The following SDK1 variants were observed in gnomAD, a reference collection of about 807,000 sequenced individuals.
SDK1 encodes the protein sidekick cell adhesion molecule 1.
SDK1 carries 157 observed loss-of-function variants against 245.5 expected under a neutral mutation model. The ratio of observed to expected loss-of-function variants is 0.64; its 90% CI spans 0.56 to 0.73. SDK1 has a LOEUF of 0.73. Among genes scored for constraint, SDK1 ranks in the 30% least tolerant of loss-of-function variants. The pLI is 0.00. For missense variants in SDK1, 3,583 were observed against 3,002.3 expected (o/e 1.19, Z -4.52); for synonymous variants, 1,647 against 1,278.5 (o/e 1.29, Z -6.15).
At chr7:4,133,565 G>T (rs1421613980) in intron 28 of SDK1, among the ~76,000 whole-genome samples, 1 of 152,184 alleles carries the variant, frequency 6.6e-6, no homozygotes, top group Non-Finnish European at 1.5e-5. Context: ...GGAGATAGGT[G>T]GCTTCTAAAG....
chr7:4,073,325 G>A (rs28400278), intron 20 of SDK1, among the ~76,000 whole-genome samples: 9,019 of 152,206 alleles, frequency 0.059, 836 homozygotes, highest in African/African-American at 0.19. Flanking sequence ...GGCATCACAC[G>A]TCTTGGGCCT....
At chr7:4,175,924 C>A in intron 34 of SDK1, 90 bp downstream of exon 34, 1 of 1,130,952 alleles carries the variant, frequency 8.8e-7, no homozygotes, top group Non-Finnish European at 1.3e-6. Context: ...GGAAAACCAG[C>A]CTGGATTAAT....
intron 35 of SDK1, among the ~76,000 whole-genome samples, chr7:4,192,660 A>G (rs1050622729): frequency 2.0e-5 from 3 of 152,166 alleles, no homozygotes; most frequent in African/African-American, 7.2e-5. Context: ...TCGTAGAAGC[A>G]TAGCTTTTAT....
chr7:4,215,128 A>C (rs1429591297), intron 38 of SDK1, among the ~76,000 whole-genome samples: 2 of 152,184 alleles, frequency 1.3e-5, no homozygotes, highest in Non-Finnish European at 2.9e-5. Flanking sequence ...CACTAACCCC[A>C]GGCCTGTCCG....
intron 1 of SDK1, among the ~76,000 whole-genome samples, chr7:3,466,321 A>G (rs1781000548): frequency 6.6e-6 from 1 of 151,528 alleles, no homozygotes; most frequent in Admixed American, 6.6e-5. Flanking sequence ...TTCCATCCTG[A>G]AGTCCTGGAT....
Position 4,268,646 on chromosome 7 carries a change from G to C in SDK1, c.*3262G>C. 7.3e-7 allele frequency: 1 copy of C among 1,367,798 alleles called. No homozygotes were observed. The highest frequency in any genetic ancestry group is 9.8e-7 in the Non-Finnish European group (1 of 1,021,974). The allele number at this position is 1,367,798 out of a possible 1,614,324, so 84.7% of individuals were successfully genotyped here. A position where few individuals can be genotyped will look rare whatever the true frequency, so the allele number is the denominator to read the frequency against. On this transcript the variant is annotated 3_prime_UTR_variant, in exon 45 of 45. Transcript: ENST00000404826. Reference sequence around the variant, plus strand: ...TGTTTGCCTAATGGTTCGTAGCATGGTTTTTATTTCTTACGCATTCTTGGC... The same window carrying C: ...TGTTTGCCTAATGGTTCGTAGCATGCTTTTTATTTCTTACGCATTCTTGGC...
intron 9 of SDK1, among the ~76,000 whole-genome samples, chr7:3,966,384 C>G (rs1027361656): frequency 2.6e-5 from 4 of 152,204 alleles, no homozygotes; most frequent in African/African-American, 9.6e-5. Context: ...AGACACAGAT[C>G]ACTGTTGTAC....
intron 1 of SDK1, among the ~76,000 whole-genome samples, chr7:3,383,683 G>T (rs1296868689): frequency 1.3e-5 from 2 of 152,110 alleles, no homozygotes; most frequent in Non-Finnish European, 2.9e-5. Context: ...ACACGACTGA[G>T]AAAAATAATT....
chr7:3,867,534 A>G (rs570967066), intron 5 of SDK1, among the ~76,000 whole-genome samples: 1 of 152,196 alleles, frequency 6.6e-6, no homozygotes, highest in African/African-American at 2.4e-5. Context: ...CACTTCTTAC[A>G]TGGGTGGCTG....
chr7:3,941,317 C>T (rs779677195), intron 5 of SDK1, among the ~76,000 whole-genome samples: 3 of 152,078 alleles, frequency 2.0e-5, no homozygotes, highest in African/African-American at 4.8e-5. Flanking sequence ...TGCTCCCACC[C>T]GCTCTAGACA....
At chr7:3,529,649 G>C (rs1407892787) in intron 1 of SDK1, among the ~76,000 whole-genome samples, 1 of 152,146 alleles carries the variant, frequency 6.6e-6, no homozygotes, top group African/African-American at 2.4e-5. Context: ...TGTGGTGGTG[G>C]TTGGTTCAAG....
intron 1 of SDK1, among the ~76,000 whole-genome samples, chr7:3,374,759 G>C (rs968501706): frequency 6.6e-6 from 1 of 151,808 alleles, no homozygotes; most frequent in African/African-American, 2.4e-5. Flanking sequence ...TCACCTTTCA[G>C]GTCTCAGATT....
intron 4 of SDK1, among the ~76,000 whole-genome samples, chr7:3,697,303 C>A (rs539851820): frequency 2.6e-5 from 4 of 152,196 alleles, no homozygotes; most frequent in Non-Finnish European, 5.9e-5. Flanking sequence ...TCATCCCTTT[C>A]TTTCCCGCTG....
chr7:4,082,534 C>CAAA (rs1300321399), intron 22 of SDK1, among the ~76,000 whole-genome samples: 2 of 108,764 alleles, frequency 1.8e-5, no homozygotes, highest in Admixed American at 9.9e-5. Flanking sequence ...GATTCTGTCT[C>CAAA]AAAAAAAAAA....
chr7:4,267,039 G>A lies in SDK1; in HGVS notation c.*1655G>A. ...GTGCACCTCCATGGGCAGAGGGTGT[G>A]GATATTGCCTGGATTCTGTGCTGTC... On this transcript the variant is annotated 3_prime_UTR_variant, in exon 45 of 45. Coordinates refer to ENST00000404826, the MANE Select transcript of SDK1 (RefSeq NM_152744.4). The A allele has an allele frequency of 3.0e-6, 3 of 985,552 alleles. No homozygotes were observed. Among genetic ancestry groups the A allele is most frequent in the Non-Finnish European group, 3.6e-6 (3 of 830,016 alleles). 61.1% of individuals were successfully genotyped at this position (985,552 alleles called of 1,614,324 possible). A position where few individuals can be genotyped will look rare whatever the true frequency, so the allele number is the denominator to read the frequency against.
At chr7:4,241,651 C>T (rs1786525277) in intron 42 of SDK1, 142 bp from the exon 43 acceptor site, 1 of 948,488 alleles carries the variant, frequency 1.1e-6, no homozygotes, top group African/African-American at 1.7e-5. Flanking sequence ...CAGCCCTAAG[C>T]ACAGCTGAAG....
At chr7:3,527,236 A>G (rs1025435603) in intron 1 of SDK1, among the ~76,000 whole-genome samples, 2 of 152,202 alleles carry the variant, frequency 1.3e-5, no homozygotes, top group African/African-American at 2.4e-5. Context: ...TGGGAATGCT[A>G]TGGTAAATAA....
At chr7:4,124,286 A>C (rs1396274028) in intron 25 of SDK1, among the ~76,000 whole-genome samples, 1 of 152,200 alleles carries the variant, frequency 6.6e-6, no homozygotes, top group African/African-American at 2.4e-5. Context: ...CCATTCTGGA[A>C]GGTGGAATCT....
At chr7:4,110,270 G>T (rs936983944) in intron 22 of SDK1, among the ~76,000 whole-genome samples, 5 of 152,148 alleles carry the variant, frequency 3.3e-5, no homozygotes, top group East Asian at 1.9e-4. Context: ...CATGGTCCTG[G>T]CCAAGTCTTC....
Sources: gnomAD v4.1 joint callset for allele counts (sites outside exome capture counted in the v4.1 genomes callset) on GRCh38, gnomAD v4.1.1 for gene constraint, MANE v1.5 for transcripts, NCBI Gene and HGNC (gene_info 2026-07-23, HGNC 2026-07-21) for gene names.